C2CD5: variants seen among roughly 807,000 people sequenced by gnomAD.
The protein encoded by C2CD5 is C2 calcium dependent domain containing 5, also known as C2 domain-containing protein 5.
In C2CD5, 109 loss-of-function variants were observed where a neutral mutation model predicts 130.3. The observed-to-expected ratio is 0.84, with a 90% CI of 0.72 to 0.98. The LOEUF (loss-of-function observed/expected upper bound fraction) is 0.98, where lower values mean the gene tolerates loss of function less well. Ranked by LOEUF, C2CD5 falls within the 50% of genes least tolerant of loss-of-function variation. The probability of loss-of-function intolerance (pLI) is 0.00; values close to 1 mark genes in which losing one functional copy is unlikely to be tolerated. For missense variants in C2CD5, 996 were observed against 1,261.8 expected (o/e 0.79, Z 3.19); for synonymous variants, 454 against 429.2 (o/e 1.06, Z -0.71).
At chr12:22,504,862 C>A (rs911117280) in intron 10 of C2CD5, among the ~76,000 whole-genome samples, 1 of 152,014 alleles carries the variant, frequency 6.6e-6, no homozygotes, top group South Asian at 2.1e-4. Context: ...GATCCCAATA[C>A]ATTAAACTGG....
intron 10 of C2CD5, among the ~76,000 whole-genome samples, chr12:22,498,225 T>C (rs1250792743): frequency 1.3e-5 from 2 of 152,034 alleles, no homozygotes; most frequent in African/African-American, 4.8e-5. Context: ...AATACACACA[T>C]ATGCACACAC....
chr12:22,529,990 A>C (rs1435376473), intron 3 of C2CD5, among the ~76,000 whole-genome samples: 1 of 150,640 alleles, frequency 6.6e-6, no homozygotes, highest in Admixed American at 6.7e-5. Context: ...GCGTGGAGCA[A>C]CCACACTACC....
chr12:22,504,530 T>C (rs1468942453), intron 10 of C2CD5, among the ~76,000 whole-genome samples: 1 of 152,182 alleles, frequency 6.6e-6, no homozygotes, highest in Non-Finnish European at 1.5e-5. Flanking sequence ...TCAAAACTCC[T>C]GACCTCAGAT....
intron 1 of C2CD5, 43 bp downstream of exon 1, chr12:22,544,277 C>CGAAGGA: frequency 4.1e-6 from 3 of 731,698 alleles, no homozygotes; most frequent in Non-Finnish European, 6.2e-6. Flanking sequence ...CGCGCGGGGG[C>CGAAGGA]GCGCGCGGGC....
chr12:22,459,874 A>G (rs1186139052), intron 22 of C2CD5, among the ~76,000 whole-genome samples: 1 of 152,218 alleles, frequency 6.6e-6, no homozygotes, highest in Non-Finnish European at 1.5e-5. Context: ...TAGGCAGAGA[A>G]AAGGGTCAAT....
intron 5 of C2CD5, among the ~76,000 whole-genome samples, chr12:22,525,321 G>C (rs541383558): frequency 3.2e-4 from 49 of 152,252 alleles, no homozygotes; most frequent in African/African-American, 1.1e-3. Flanking sequence ...TTTTGGGACA[G>C]CACCATAGTG....
At chr12:22,504,019 G>C (rs1192383290) in intron 10 of C2CD5, among the ~76,000 whole-genome samples, 1 of 152,100 alleles carries the variant, frequency 6.6e-6, no homozygotes, top group Non-Finnish European at 1.5e-5. Flanking sequence ...GGGAGGAAAG[G>C]CAGAGAATGG....
At chr12:22,530,101 TATATATATATACACAC>T (rs1231470045) in intron 3 of C2CD5, among the ~76,000 whole-genome samples, 15 of 114,400 alleles carry the variant, frequency 1.3e-4, no homozygotes, top group African/African-American at 5.7e-4. Context: ...TATATATATA[TATATATATATACACAC>T]ACACACACAC....
rs1349272415 is a variant in C2CD5, at chr12:22,544,379, G to C, written c.-89C>G. ...GCTGAGACCTCATTCCGGAGAGGCG[G>C]CGGGAGGAAGGGCTTTGATGGGTTC... is the stretch of plus-strand genomic sequence containing the variant. On this transcript the variant is annotated 5_prime_UTR_variant, in exon 1 of 27. Coordinates refer to ENST00000446597, the MANE Select transcript of C2CD5 (RefSeq NM_001286176.2). 2.3e-6 allele frequency: 1 copy of C among 432,750 alleles called. No homozygotes were observed. 26.8% of individuals were successfully genotyped at this position (432,750 alleles called of 1,614,324 possible).
chr12:22,508,004 G>C (rs906132473), intron 9 of C2CD5, among the ~76,000 whole-genome samples: 63 of 151,970 alleles, frequency 4.1e-4, no homozygotes, highest in Non-Finnish European at 5.6e-4. Flanking sequence ...AATAAAAGCT[G>C]GTAAAGAGAT....
At chr12:22,452,791 G>A (rs181481857) in intron 26 of C2CD5, among the ~76,000 whole-genome samples, 36 of 152,286 alleles carry the variant, frequency 2.4e-4, no homozygotes, top group Non-Finnish European at 5.1e-4. Context: ...AACCAGTCAG[G>A]TGTGGTGGCA....
At chr12:22,492,661 A>G (rs1946500300) in intron 11 of C2CD5, among the ~76,000 whole-genome samples, 3 of 152,134 alleles carry the variant, frequency 2.0e-5, no homozygotes, top group Admixed American at 2.0e-4. Context: ...ATGTACTTTA[A>G]AGGAGGAGAT....
chr12:22,482,197 C>A (rs115365422), intron 14 of C2CD5, among the ~76,000 whole-genome samples: 2 of 152,242 alleles, frequency 1.3e-5, no homozygotes, highest in African/African-American at 4.8e-5. Flanking sequence ...AAGCGTCCTA[C>A]AATGCACAAC....
chr12:22,544,154 C>A lies in C2CD5; in HGVS notation c.-4G>T, dbSNP rs4291722. ...TCACCTTCAGCTTCCCTGGCATGGT[C>A]TCGGTTTCGGCCTCTTCTTGGGCTC... On this transcript the variant is annotated 5_prime_UTR_variant, in exon 2 of 27. Coordinates refer to ENST00000446597, the MANE Select transcript of C2CD5 (RefSeq NM_001286176.2). The A allele has an allele frequency of 6.2e-7, 1 of 1,613,978 alleles. No individual in the cohort carries two copies. Among genetic ancestry groups the A allele is most frequent in the Non-Finnish European group, 8.5e-7 (1 of 1,179,878 alleles).
At chr12:22,466,304 T>TA (rs58702536) in intron 22 of C2CD5, among the ~76,000 whole-genome samples, 87 of 141,560 alleles carry the variant, frequency 6.1e-4, no homozygotes, top group Non-Finnish European at 8.8e-4. Flanking sequence ...TTACTGAAAG[T>TA]AAAAAAAAAA....
chr12:22,516,790 G>C (rs1268512736), intron 8 of C2CD5, among the ~76,000 whole-genome samples: 1 of 151,574 alleles, frequency 6.6e-6, no homozygotes, highest in Non-Finnish European at 1.5e-5. Context: ...TTTAAGGCCA[G>C]AGCCTCTTAC....
intron 9 of C2CD5, among the ~76,000 whole-genome samples, chr12:22,512,323 T>G (rs1346198353): frequency 6.6e-6 from 1 of 152,172 alleles, no homozygotes; most frequent in Admixed American, 6.5e-5. Context: ...CTCTTTCACC[T>G]TTTTTCCCCC....
intron 7 of C2CD5, among the ~76,000 whole-genome samples, chr12:22,521,162 A>C (rs1950234024): frequency 6.6e-6 from 1 of 152,180 alleles, no homozygotes; most frequent in Non-Finnish European, 1.5e-5. Context: ...TAATCAGCTG[A>C]ATCATAAAAT....
intron 23 of C2CD5, 123 bp downstream of exon 23, chr12:22,459,369 A>T: frequency 2.0e-6 from 1 of 497,490 alleles, no homozygotes; most frequent in Non-Finnish European, 3.5e-6. Flanking sequence ...AAAAAAAAAA[A>T]GCCAGATTTT....
Sources: gnomAD v4.1 joint callset for allele counts (sites outside exome capture counted in the v4.1 genomes callset) on GRCh38, gnomAD v4.1.1 for gene constraint, MANE v1.5 for transcripts, NCBI Gene and HGNC (gene_info 2026-07-23, HGNC 2026-07-21) for gene names.